SPTLC3: variants seen among roughly 807,000 people sequenced by gnomAD.
SPTLC3 encodes serine palmitoyltransferase long chain base subunit 3.
SPTLC3 carries 36 observed loss-of-function variants against 59.3 expected under a neutral mutation model. The ratio of observed to expected loss-of-function variants is 0.61; its 90% CI spans 0.47 to 0.80. The LOEUF is 0.80. Ranked by LOEUF, SPTLC3 falls within the 30% of genes least tolerant of loss-of-function variation. The probability of loss-of-function intolerance (pLI) is 0.00; values close to 1 mark genes in which losing one functional copy is unlikely to be tolerated. For missense variants in SPTLC3, 625 were observed against 685.1 expected (o/e 0.91, Z 0.98); for synonymous variants, 257 against 240.8 (o/e 1.07, Z -0.62).
chr20:13,074,930 TG>T (rs1988588680), intron 4 of SPTLC3, among the ~76,000 whole-genome samples: 3 of 152,188 alleles, frequency 2.0e-5, no homozygotes, highest in Admixed American at 2.0e-4. Flanking sequence ...AATGAATGAA[TG>T]GACCAGGTGA....
Position 13,142,698 on chromosome 20 carries a change from C to A in SPTLC3, c.1280-11305C>A, listed in dbSNP as rs553199029. ...AATGCTGAAATCAAGGTGTCAGCAG[C>A]TGCTGTTTTATCTGGAGCTCAGGCA... On this transcript the variant is annotated intron_variant, in intron 9 of 11. Coordinates refer to ENST00000399002, the MANE Select transcript of SPTLC3 (RefSeq NM_018327.4). Among the ~76,000 whole-genome samples the A allele has an allele frequency of 7.2e-5, 11 of 152,316 alleles. 1 individual carries two copies. In the East Asian group the frequency reaches 2.1e-3, roughly 29 times the overall value.
intron 7 of SPTLC3, among the ~76,000 whole-genome samples, chr20:13,113,581 T>A (rs927741221): frequency 1.3e-5 from 2 of 152,208 alleles, no homozygotes; most frequent in Non-Finnish European, 2.9e-5. Context: ...TATTCATATG[T>A]AGAATATAGA....
chr20:13,107,318 A>G (rs1057227420), intron 6 of SPTLC3, among the ~76,000 whole-genome samples: 1 of 152,230 alleles, frequency 6.6e-6, no homozygotes, highest in African/African-American at 2.4e-5. Context: ...AGGAGAAAAC[A>G]TAAAAGGAAA....
At chr20:13,134,511 A>T in intron 9 of SPTLC3, among the ~76,000 whole-genome samples, 1 of 152,192 alleles carries the variant, frequency 6.6e-6, no homozygotes, top group Non-Finnish European at 1.5e-5. Context: ...TTACAAGGTC[A>T]TCATACAGCA....
At chr20:13,108,589 C>G (rs933802629) in intron 6 of SPTLC3, among the ~76,000 whole-genome samples, 1 of 151,874 alleles carries the variant, frequency 6.6e-6, no homozygotes. Flanking sequence ...TTTTTTTTCA[C>G]TTTGAGACAG....
At chr20:13,121,593 T>C (rs1420564946) in intron 8 of SPTLC3, among the ~76,000 whole-genome samples, 1 of 152,130 alleles carries the variant, frequency 6.6e-6, no homozygotes, top group Non-Finnish European at 1.5e-5. Context: ...TAACCCACCC[T>C]GAAGAAGACA....
At chr20:13,152,752 C>T (rs550894802) in intron 9 of SPTLC3, among the ~76,000 whole-genome samples, 51 of 152,162 alleles carry the variant, frequency 3.4e-4, no homozygotes, top group Admixed American at 5.9e-4. Context: ...CAGGGCCAAC[C>T]CTACTCAAAC....
rs7269739 is a variant in SPTLC3 at position 13,035,350 on chromosome 20, C to T, written c.118-13595C>T. On this transcript the variant is annotated intron_variant, in intron 1 of 11. Coordinates refer to ENST00000399002, the MANE Select transcript of SPTLC3 (RefSeq NM_018327.4). ...TGTCCTACATATTGGTAGATTTCAG[C>T]GGCCTGAACAACTTGAGTTGACTGA... Among the ~76,000 whole-genome samples the T allele has an allele frequency of 1.8e-3, 267 of 152,242 alleles. 3 individuals carry two copies. The highest frequency in any genetic ancestry group is 6.1e-3 in the African/African-American group (254 of 41,534).
At chr20:13,066,448 C>T (rs1032121139) in intron 2 of SPTLC3, among the ~76,000 whole-genome samples, 7 of 152,254 alleles carry the variant, frequency 4.6e-5, no homozygotes, top group Admixed American at 2.0e-4. Context: ...CAGTACCATG[C>T]TGTTTTGATT....
chr20:13,086,289 CT>C (rs1203633638), intron 4 of SPTLC3, among the ~76,000 whole-genome samples: 1 of 152,156 alleles, frequency 6.6e-6, no homozygotes, highest in Admixed American at 6.5e-5. Context: ...TCCCCAAGCT[CT>C]TCCTACATTT....
chr20:13,144,932 G>A (rs1057400228), intron 9 of SPTLC3, among the ~76,000 whole-genome samples: 2 of 151,994 alleles, frequency 1.3e-5, no homozygotes, highest in African/African-American at 4.8e-5. Context: ...CCGCCACCAC[G>A]CCCAGCTAAT....
intron 3 of SPTLC3, 145 bp downstream of exon 3, chr20:13,072,555 G>T (rs1410931464): frequency 1.2e-6 from 1 of 869,322 alleles, no homozygotes; most frequent in Non-Finnish European, 1.7e-6. Context: ...CCCTCCTGAT[G>T]CCAGGGGAGG....
chr20:13,089,790 A>C (rs1188132888), intron 4 of SPTLC3, among the ~76,000 whole-genome samples: 1 of 145,212 alleles, frequency 6.9e-6, no homozygotes, highest in African/African-American at 2.6e-5. Flanking sequence ...TATCTCAAAA[A>C]AAAAAAAAAA....
rs138754113 is a variant in SPTLC3 at position 13,149,898 on chromosome 20, G to A, written c.1280-4105G>A. Among the ~76,000 whole-genome samples, 769 of 152,296 alleles carry A rather than the reference G, an allele frequency of 5.0e-3. 10 individuals are homozygous for A. Among genetic ancestry groups the A allele is most frequent in the Non-Finnish European group, 8.6e-3 (585 of 68,012 alleles). On this transcript the variant is annotated intron_variant, in intron 9 of 11. Coordinates refer to ENST00000399002, the MANE Select transcript of SPTLC3 (RefSeq NM_018327.4). ...CGCAAAGATAATGCCGTTGGGAAAA[G>A]CAATTGAAGTCATTCAGGCACTTCC...
chr20:13,030,248 T>A (rs1986370343), intron 1 of SPTLC3, among the ~76,000 whole-genome samples: 1 of 152,208 alleles, frequency 6.6e-6, no homozygotes, highest in Non-Finnish European at 1.5e-5. Flanking sequence ...TGTTGGTTCA[T>A]TCCTGTGGAA....
chr20:13,022,227 C>T (rs1272458641), intron 1 of SPTLC3, among the ~76,000 whole-genome samples: 1 of 152,164 alleles, frequency 6.6e-6, no homozygotes, highest in East Asian at 1.9e-4. Flanking sequence ...CTCAGTAAAA[C>T]ATGAGCTGAC....
chr20:13,024,245 C>A (rs1394404001), intron 1 of SPTLC3, among the ~76,000 whole-genome samples: 2 of 152,130 alleles, frequency 1.3e-5, no homozygotes, highest in African/African-American at 4.8e-5. Flanking sequence ...CAGGACCTGT[C>A]TTTTTATCAT....
At chr20:13,030,828 T>G (rs987951221) in intron 1 of SPTLC3, among the ~76,000 whole-genome samples, 6 of 152,152 alleles carry the variant, frequency 3.9e-5, no homozygotes, top group African/African-American at 7.2e-5. Context: ...CTACTGATTA[T>G]TCAGATTTTA....
chr20:13,126,044 T>C (rs2122790730), intron 8 of SPTLC3, among the ~76,000 whole-genome samples: 1 of 152,310 alleles, frequency 6.6e-6, no homozygotes, highest in South Asian at 2.1e-4. Context: ...CCCTTAATTA[T>C]CTTCATTCTT....
Sources: gnomAD v4.1 joint callset for allele counts (sites outside exome capture counted in the v4.1 genomes callset) on GRCh38, gnomAD v4.1.1 for gene constraint, MANE v1.5 for transcripts, NCBI Gene and HGNC (gene_info 2026-07-23, HGNC 2026-07-21) for gene names.